ZNF624: variants seen among roughly 807,000 people sequenced by gnomAD.
ZNF624 encodes the protein zinc finger protein 624.
ZNF624 carries 43 observed loss-of-function variants against 74.7 expected under a neutral mutation model. The observed-to-expected ratio is 0.58, with a 90% confidence interval of 0.45 to 0.74. The LOEUF is 0.74. ZNF624 is among the 30% of genes least tolerant of loss of function. ZNF624 has a pLI of 0.00. For synonymous variants in ZNF624, 331 were observed against 341.3 expected (o/e 0.97, Z 0.33); for missense variants, 820 against 1,030.0 (o/e 0.80, Z 2.79).
At chr17:16,648,687 A>C (rs1345919956) in intron 2 of ZNF624, among the ~76,000 whole-genome samples, 2 of 152,218 alleles carry the variant, frequency 1.3e-5, no homozygotes, top group Non-Finnish European at 2.9e-5. Flanking sequence ...TTTCTTCTGA[A>C]TCTATTTTAA....
intron 3 of ZNF624, among the ~76,000 whole-genome samples, chr17:16,645,945 CAAAAA>C (rs35486112): frequency 1.8e-5 from 1 of 56,064 alleles, no homozygotes; most frequent in Admixed American, 2.2e-4. Flanking sequence ...GACTCCATCT[CAAAAA>C]AAAAAAAAAA....
At chr17:16,616,730 G>T, downstream of ZNF624, 6 of 586,940 alleles carry the variant, frequency 1.0e-5, no homozygotes, top group East Asian at 1.9e-4. Flanking sequence ...AAATTTCTGT[G>T]TGCCCCTGTT....
chr17:16,636,863 C>T (rs987558357), intron 3 of ZNF624, among the ~76,000 whole-genome samples: 12 of 151,992 alleles, frequency 7.9e-5, no homozygotes, highest in African/African-American at 2.2e-4. Flanking sequence ...AAATCTCAGC[C>T]GGGTGCAGTG....
At chr17:16,642,001 A>G (rs888455225) in intron 3 of ZNF624, among the ~76,000 whole-genome samples, 25 of 152,238 alleles carry the variant, frequency 1.6e-4, no homozygotes, top group African/African-American at 5.8e-4. Context: ...GAAAGAAACT[A>G]AAGAATACAT....
chr17:16,644,984 T>C (rs1414465778), intron 3 of ZNF624, among the ~76,000 whole-genome samples: 1 of 152,224 alleles, frequency 6.6e-6, no homozygotes, highest in Non-Finnish European at 1.5e-5. Flanking sequence ...GAATATGTCA[T>C]TTTACATTTA....
chr17:16,634,609 C>T (rs200686610), intron 4 of ZNF624, 21 bp downstream of exon 4: 1 of 1,607,632 alleles, frequency 6.2e-7, no homozygotes, highest in Non-Finnish European at 8.5e-7. Context: ...TCAATCAACA[C>T]AGAAGAGAAG....
At chr17:16,644,624 T>G (rs7226328) in intron 3 of ZNF624, among the ~76,000 whole-genome samples, 2 of 152,028 alleles carry the variant, frequency 1.3e-5, no homozygotes, top group Non-Finnish European at 2.9e-5. Flanking sequence ...GCCAGACTGA[T>G]GTAAAAGTTT....
chr17:16,630,283 G>A (rs540399659), intron 5 of ZNF624, among the ~76,000 whole-genome samples: 69 of 152,176 alleles, frequency 4.5e-4, no homozygotes, highest in Middle Eastern at 3.4e-3. Context: ...GAGGCTGTGC[G>A]TGGTGGCTAT....
chr17:16,647,198 A>T, intron 3 of ZNF624, 131 bp downstream of exon 3: 1 of 797,310 alleles, frequency 1.3e-6, no homozygotes, highest in Non-Finnish European at 2.1e-6. Flanking sequence ...AATTGATGCC[A>T]CCAGCCCTGG....
downstream of ZNF624, chr17:16,616,796 C>T: frequency 1.1e-6 from 1 of 882,548 alleles, no homozygotes; most frequent in Non-Finnish European, 1.7e-6. Flanking sequence ...GAGTAACTGC[C>T]TAAGCAGGAA....
downstream of ZNF624, among the ~76,000 whole-genome samples, chr17:16,618,718 T>C (rs922826098): frequency 6.6e-5 from 10 of 152,156 alleles, no homozygotes; most frequent in Non-Finnish European, 1.3e-4. Flanking sequence ...GTGAAGACGA[T>C]GAGGATAAAG....
chr17:16,628,713 G>A (rs966021586), intron 5 of ZNF624, among the ~76,000 whole-genome samples: 6 of 151,948 alleles, frequency 3.9e-5, no homozygotes, highest in Admixed American at 3.9e-4. Flanking sequence ...ACAAAGAGAA[G>A]TGAGAGAGAA....
intron 3 of ZNF624, among the ~76,000 whole-genome samples, chr17:16,637,514 CAG>C: frequency 6.6e-6 from 1 of 152,242 alleles, no homozygotes; most frequent in East Asian, 1.9e-4. Context: ...GGTACCAAAA[CAG>C]AGATATAGAT....
At chr17:16,618,721 G>A (rs1301775269), downstream of ZNF624, among the ~76,000 whole-genome samples, 1 of 152,070 alleles carries the variant, frequency 6.6e-6, no homozygotes, top group Admixed American at 6.5e-5. Context: ...AAGACGATGA[G>A]GATAAAGATC....
intron 3 of ZNF624, among the ~76,000 whole-genome samples, chr17:16,642,357 G>A (rs1569047115): frequency 6.6e-6 from 1 of 152,118 alleles, no homozygotes; most frequent in Non-Finnish European, 1.5e-5. Context: ...TGACAGTCTA[G>A]GAATAAATCC....
rs903775569 is a variant in ZNF624, at chr17:16,623,365, T to C, written c.1521A>G (p.Lys507=). The change falls in exon 6 of 6, where the codon AAA becomes AAG. Residue 507 remains lysine (K), a synonymous_variant. Coordinates refer to ENST00000311331, the MANE Select transcript of ZNF624 (RefSeq NM_020787.4). The surrounding 1 kb of genome is among the most constrained non-coding windows in gnomAD (Gnocchi z 5.3). ...TGAAATTTGCGATGCGGTTGAATGC[T>C]TTCCCACATTCATTACATTCATAGG... The part of the protein sequence containing the change: ...EKPYECNECG[K]AFNRIANFTE... The C allele has an allele frequency of 6.2e-7, 1 of 1,613,650 alleles. No homozygotes were observed. Among genetic ancestry groups the C allele is most frequent in the East Asian group, 2.2e-5 (1 of 44,878 alleles).
rs1465697811 is a variant in ZNF624 at position 16,623,259 on chromosome 17, G to A, written c.1627C>T (p.Leu543Phe). Residue 543 changes from leucine to phenylalanine, a missense_variant, in exon 6 of 6, where the codon CTT becomes TTT. Physicochemically the swap from Leu to Phe is conservative, Grantham distance 22. Coordinates refer to ENST00000311331, the MANE Select transcript of ZNF624 (RefSeq NM_020787.4). This position sits in a 1 kb window ranked among gnomAD's most constrained non-coding sequence, Gnocchi z 5.3. ...CGKAFINYSC[L>F]TVHHRMHTGE... is the part of the protein sequence containing the mutation. ...GTATGCATTCTGTGGTGTACAGTAA[G>A]GCATGAATAATTAATGAATGCTTTC... 6.2e-7 allele frequency: 1 copy of A among 1,613,740 alleles called. No homozygotes were observed. Among genetic ancestry groups the A allele is most frequent in the African/African-American group, 1.3e-5 (1 of 74,892 alleles).
chr17:16,624,593 A>G, intron 5 of ZNF624, 84 bp from the exon 6 acceptor site: 1 of 1,180,254 alleles, frequency 8.5e-7, no homozygotes, highest in East Asian at 2.4e-5. Flanking sequence ...AGCAATAAAT[A>G]CATGGATAAT....
At chr17:16,640,816 T>C (rs1909449450) in intron 3 of ZNF624, among the ~76,000 whole-genome samples, 1 of 152,164 alleles carries the variant, frequency 6.6e-6, no homozygotes, top group African/African-American at 2.4e-5. Flanking sequence ...AATCCTTCAC[T>C]AACTCTTCCA....
Sources: allele counts gnomAD v4.1 joint callset (sites outside exome capture counted in the v4.1 genomes callset), GRCh38; gene constraint gnomAD v4.1.1; non-coding constraint Gnocchi (gnomAD v3.1); transcripts MANE v1.5; gene names NCBI Gene and HGNC (gene_info 2026-07-23, HGNC 2026-07-21).